The following HDAC3 variants were observed in gnomAD, a reference collection of about 807,000 sequenced individuals.
The protein encoded by HDAC3 is histone deacetylase 3.
A neutral mutation model predicts 62.3 loss-of-function variants in HDAC3; 21 were observed. The ratio of observed to expected loss-of-function variants is 0.34; its 90% CI spans 0.24 to 0.49. The LOEUF is 0.49. HDAC3 is among the 20% of genes least tolerant of loss of function. The pLI is 0.99. For missense variants in HDAC3, 270 were observed against 556.9 expected, an observed-to-expected ratio of 0.48 and a Z score of 5.19; for synonymous variants, 198 against 206.5, an observed-to-expected ratio of 0.96 and a Z score of 0.35.
At chr5:141,631,245 T>C (rs1234387478) in intron 3 of HDAC3, among the ~76,000 whole-genome samples, 2 of 152,154 alleles carry the variant, frequency 1.3e-5, no homozygotes, top group Non-Finnish European at 2.9e-5. Flanking sequence ...TGGGGTGCAA[T>C]GGTGCGATCT....
chr5:141,625,620 C>G lies in HDAC3; in HGVS notation c.1059+65G>C. On this transcript the variant is annotated intron_variant, in intron 13 of 14. Coordinates refer to ENST00000305264, the MANE Select transcript of HDAC3 (RefSeq NM_003883.4). This position sits in a 1 kb window ranked among gnomAD's most constrained non-coding sequence, Gnocchi z 4.0. ...CTTTGGTTTTTCCTACTTCCCACATCTTTGACCTCTCCTGGGCTCCACCTT... is the reference window on the plus strand; with the variant it reads ...CTTTGGTTTTTCCTACTTCCCACATGTTTGACCTCTCCTGGGCTCCACCTT... 3 of 1,503,028 alleles carry G rather than the reference C, an allele frequency of 2.0e-6. No individual in the cohort carries two copies. The South Asian group carries it at 3.4e-5, about 17-fold the overall frequency. The allele number at this position is 1,503,028 out of a possible 1,614,324, so 93.1% of individuals were successfully genotyped here.
At chr5:141,624,449 C>T (rs1023100565) in intron 14 of HDAC3, among the ~76,000 whole-genome samples, 66 of 138,048 alleles carry the variant, frequency 4.8e-4, no homozygotes, top group African/African-American at 1.6e-3. Context: ...TCCAGCTACT[C>T]GAGGGGCTGA....
rs1156863912 is a variant in HDAC3 at position 141,628,283 on chromosome 5, GA to G, written c.692-97del. The G allele has an allele frequency of 8.3e-5, 85 of 1,028,428 alleles. No homozygotes were observed. Among genetic ancestry groups the G allele is most frequent in the Admixed American group, 6.0e-4 (31 of 51,712 alleles). 63.7% of individuals were successfully genotyped at this position (1,028,428 alleles called of 1,614,324 possible). ...GGGGTTGAGCGAGCATGTAGCCCAG[GA>G]AAGGGGCCACCCAAAAGAATCAAAT... On this transcript the variant is annotated intron_variant, in intron 8 of 14. Transcript: ENST00000305264. This position sits in a 1 kb window ranked among gnomAD's most constrained non-coding sequence, Gnocchi z 4.7.
Position 141,621,219 on chromosome 5 carries a change from AC to A in HDAC3, c.*248del. On this transcript the variant is annotated 3_prime_UTR_variant, in exon 15 of 15. Transcript: ENST00000305264. ...GGCTAGGGACTGGCCTCCAGGGCCCACTGCCAATAATGTCCCAGATAGCTAT... is the reference window on the plus strand; with the variant it reads ...GGCTAGGGACTGGCCTCCAGGGCCCATGCCAATAATGTCCCAGATAGCTAT... 1 of 466,148 alleles carries A rather than the reference AC, an allele frequency of 2.1e-6. No individual in the cohort carries two copies. Among genetic ancestry groups the A allele is most frequent in the Admixed American group, 3.9e-5 (1 of 25,392 alleles). 28.9% of individuals were successfully genotyped at this position (466,148 alleles called of 1,614,324 possible).
Position 141,623,826 on chromosome 5 carries a change from G to A in HDAC3, c.1217+1382C>T, listed in dbSNP as rs187078389. ...TAACCCTGCGTGGGAGCAAGACAGC[G>A]TGTCCCACAAGTGTCCAGCTGTGGT... is the stretch of plus-strand genomic sequence containing the variant. On this transcript the variant is annotated intron_variant, in intron 14 of 14. Transcript: ENST00000305264. 2.4e-3 allele frequency among the ~76,000 whole-genome samples: 361 copies of A among 152,154 alleles called. 1 individual carries two copies. Among genetic ancestry groups the A allele is most frequent in the Non-Finnish European group, 4.2e-3 (287 of 67,998 alleles).
chr5:141,621,441 C>A lies in HDAC3; in HGVS notation c.*27G>T. 1 of 1,608,136 alleles carries A rather than the reference C, an allele frequency of 6.2e-7. No individual in the cohort carries two copies. The highest frequency in any genetic ancestry group is 8.5e-7 in the Non-Finnish European group (1 of 1,174,608). On this transcript the variant is annotated 3_prime_UTR_variant, in exon 15 of 15. Coordinates refer to ENST00000305264, the MANE Select transcript of HDAC3 (RefSeq NM_003883.4). The stretch of plus-strand genomic sequence containing the variant: ...CCAACCAAGAGGTGAAAAGAAATTC[C>A]TTGGGACACAGCATCCCAAGCCACT...
Position 141,621,315 on chromosome 5 carries a change from T to C in HDAC3, c.*153A>G. On this transcript the variant is annotated 3_prime_UTR_variant, in exon 15 of 15. Coordinates refer to ENST00000305264, the MANE Select transcript of HDAC3 (RefSeq NM_003883.4). Reference sequence around the variant, plus strand: ...GGGAGAGAGAGGAAAAGCAGGTAGATGGTTCGAGAACCAAATGTGGTCTCC... The same window carrying C: ...GGGAGAGAGAGGAAAAGCAGGTAGACGGTTCGAGAACCAAATGTGGTCTCC... 3.0e-6 allele frequency: 2 copies of C among 677,284 alleles called. No individual in the cohort carries two copies. Among genetic ancestry groups the C allele is most frequent in the Non-Finnish European group, 5.3e-6 (2 of 379,172 alleles). 42.0% of individuals were successfully genotyped at this position (677,284 alleles called of 1,614,324 possible).
rs192984136 is a variant in HDAC3, at chr5:141,621,938, A to G, written c.1218-401T>C. ...ACAGGACTATTGGGACATAAGACCTAAAGTCTGAGGAGGAGCTAAGCAGGC... is the reference window on the plus strand; with the variant it reads ...ACAGGACTATTGGGACATAAGACCTGAAGTCTGAGGAGGAGCTAAGCAGGC... On this transcript the variant is annotated intron_variant, in intron 14 of 14. Transcript: ENST00000305264. 3.4e-3 allele frequency among the ~76,000 whole-genome samples: 520 copies of G among 152,352 alleles called. 3 individuals carry two copies. The highest frequency in any genetic ancestry group is 5.5e-3 in the Non-Finnish European group (374 of 68,030).
At position 141,621,526 on chromosome 5, in the gene HDAC3, G is replaced by A; in HGVS notation, c.1229C>T (p.Pro410Leu). ...PEENYSRPEA[P>L]NEFYDGDHDN... The stretch of plus-strand genomic sequence containing the variant: ...ATGGTCTCCATCATAGAACTCATTG[G>A]GTGCCTCTGGCCTGCAAAGCAAGGG... The change falls in exon 15 of 15, where the codon CCC becomes CTC. Residue 410 changes from proline (P) to leucine (L), a missense_variant. Physicochemically the swap from Pro to Leu is moderately conservative, Grantham distance 98. Transcript: ENST00000305264. 1 of 1,613,710 alleles carries A rather than the reference G, an allele frequency of 6.2e-7. No individual in the cohort carries two copies. The highest frequency in any genetic ancestry group is 1.6e-4 in the Middle Eastern group (1 of 6,062).
At position 141,630,253 on chromosome 5, in the gene HDAC3, G is replaced by A. The variant is rs537525302; in HGVS notation, c.282-128C>T. ...CCTTCTCTCCCTCTCCTACACACGT[G>A]GGCTATCTGCAAATTTATTCAACAA... On this transcript the variant is annotated intron_variant, in intron 3 of 14. Transcript: ENST00000305264. The A allele has an allele frequency of 1.5e-4, 128 of 830,326 alleles. 5 individuals carry two copies. In the South Asian group the frequency reaches 1.8e-3, roughly 12 times the overall value. 51.4% of individuals were successfully genotyped at this position (830,326 alleles called of 1,614,324 possible). A position where few individuals can be genotyped will look rare whatever the true frequency, so the allele number is the denominator to read the frequency against.
At position 141,629,632 on chromosome 5, in the gene HDAC3, C is replaced by T. The variant is rs370731309; in HGVS notation, c.476+52G>A. ...AAGGTCAGGGTTGAGACTGAGAGAC[C>T]TCCTCAGCCAAGAATCCCGTAACTG... On this transcript the variant is annotated intron_variant, in intron 6 of 14. Coordinates refer to ENST00000305264, the MANE Select transcript of HDAC3 (RefSeq NM_003883.4). This position sits in a 1 kb window ranked among gnomAD's most constrained non-coding sequence, Gnocchi z 5.3. 1.9e-6 allele frequency: 3 copies of T among 1,563,646 alleles called. No individual in the cohort carries two copies. The highest frequency in any genetic ancestry group is 2.7e-5 in the African/African-American group (2 of 73,998).
intron 10 of HDAC3, among the ~76,000 whole-genome samples, chr5:141,627,041 A>G (rs1056777018): frequency 6.6e-6 from 1 of 152,116 alleles, no homozygotes; most frequent in Non-Finnish European, 1.5e-5. Context: ...TCTTTGGAAT[A>G]TAATTCAAAC....
chr5:141,631,996 A>T (rs1008635004), intron 3 of HDAC3, among the ~76,000 whole-genome samples: 17 of 150,466 alleles, frequency 1.1e-4, no homozygotes, highest in Non-Finnish European at 1.8e-4. Context: ...AGAGGGATTT[A>T]TGGGTGAAAA....
chr5:141,622,626 A>G (rs892202636), intron 14 of HDAC3, among the ~76,000 whole-genome samples: 5 of 152,072 alleles, frequency 3.3e-5, no homozygotes, highest in African/African-American at 9.7e-5. Context: ...AAGAAAAGAA[A>G]AAGTATTCTC....
In HDAC3 at chr5:141,625,902, T is replaced by C; in HGVS notation, c.979+111A>G. 1 of 1,279,302 alleles carries C rather than the reference T, an allele frequency of 7.8e-7. No homozygotes were observed. The highest frequency in any genetic ancestry group is 1.1e-6 in the Non-Finnish European group (1 of 875,738). 79.2% of individuals were successfully genotyped at this position (1,279,302 alleles called of 1,614,324 possible). A position where few individuals can be genotyped will look rare whatever the true frequency, so the allele number is the denominator to read the frequency against. ...CCCTGCTCTGAGCCCAGGGGTTTAG[T>C]CTGCAGAGCTCTGAGAGTGTAAAAT... On this transcript the variant is annotated intron_variant, in intron 12 of 14. Transcript: ENST00000305264. The surrounding 1 kb of genome is among the most constrained non-coding windows in gnomAD (Gnocchi z 4.0).
Position 141,629,616 on chromosome 5 carries a change from G to T in HDAC3, c.476+68C>A. 6.7e-7 allele frequency: 1 copy of T among 1,497,646 alleles called. No individual in the cohort carries two copies. Among genetic ancestry groups the T allele is most frequent in the Non-Finnish European group, 9.3e-7 (1 of 1,081,062 alleles). 92.8% of individuals were successfully genotyped at this position (1,497,646 alleles called of 1,614,324 possible). ...AGGGAGGAGGGAGGTCAAGGTCAGG[G>T]TTGAGACTGAGAGACCTCCTCAGCC... On this transcript the variant is annotated intron_variant, in intron 6 of 14. Transcript: ENST00000305264. This position sits in a 1 kb window ranked among gnomAD's most constrained non-coding sequence, Gnocchi z 5.3.
At chr5:141,624,153 T>C (rs909631128) in intron 14 of HDAC3, among the ~76,000 whole-genome samples, 4 of 150,804 alleles carry the variant, frequency 2.7e-5, no homozygotes, top group Admixed American at 1.3e-4. Context: ...CAGTGACCTG[T>C]CCAGCTCAAG....
intron 3 of HDAC3, among the ~76,000 whole-genome samples, chr5:141,632,836 G>A (rs1261040979): frequency 2.0e-5 from 3 of 152,204 alleles, no homozygotes; most frequent in South Asian, 2.1e-4. Context: ...CAGCTGAGGT[G>A]TAGGGATAAA....
In HDAC3 at chr5:141,628,860, G is replaced by A. The variant is rs1231355214; in HGVS notation, c.611-221C>T. On this transcript the variant is annotated intron_variant, in intron 7 of 14. Coordinates refer to ENST00000305264, the MANE Select transcript of HDAC3 (RefSeq NM_003883.4). This position sits in a 1 kb window ranked among gnomAD's most constrained non-coding sequence, Gnocchi z 4.7. The stretch of plus-strand genomic sequence containing the variant: ...TACTAGGCAGTAGGGATGCAGCAAC[G>A]AATGGAACTAATGAAATTTACGATA... Among the ~76,000 whole-genome samples, 6 of 152,178 alleles carry A rather than the reference G, an allele frequency of 3.9e-5. No homozygotes were observed. Among genetic ancestry groups the A allele is most frequent in the Admixed American group, 1.3e-4 (2 of 15,278 alleles).
Sources: allele counts gnomAD v4.1 joint callset (sites outside exome capture counted in the v4.1 genomes callset), GRCh38; gene constraint gnomAD v4.1.1; non-coding constraint Gnocchi (gnomAD v3.1); transcripts MANE v1.5; gene names NCBI Gene and HGNC (gene_info 2026-07-23, HGNC 2026-07-21).